The following MBLAC2 variants were observed in gnomAD, a reference collection of about 807,000 sequenced individuals.
The protein encoded by MBLAC2 is acyl-coenzyme A thioesterase MBLAC2.
MBLAC2 carries 24 observed loss-of-function variants against 23.3 expected under a neutral mutation model. The observed-to-expected ratio is 1.03, with a 90% CI of 0.75 to 1.45. The LOEUF (loss-of-function observed/expected upper bound fraction) is 1.45, where lower values mean the gene tolerates loss of function less well. MBLAC2 is among the 40% of genes most tolerant of loss of function. The probability of loss-of-function intolerance (pLI) is 0.00; values close to 1 mark genes in which losing one functional copy is unlikely to be tolerated. For missense variants in MBLAC2, 358 were observed against 370.0 expected (o/e 0.97, Z 0.27); for synonymous variants, 162 against 150.9 (o/e 1.07, Z -0.54).
At position 90,460,876 on chromosome 5, in the gene MBLAC2, T is replaced by C. The variant is rs929170144; in HGVS notation, c.*291A>G. ...AAAAACAGAGGCAAGGGCAGTTCTC[T>C]TGCCACAAAATCTCTCTTTGCTTCC... On this transcript the variant is annotated 3_prime_UTR_variant, in exon 2 of 2. Coordinates refer to ENST00000316610, the MANE Select transcript of MBLAC2 (RefSeq NM_203406.2). The C allele has an allele frequency of 6.9e-5, 17 of 248,168 alleles. No homozygotes were observed. Among genetic ancestry groups the C allele is most frequent in the African/African-American group, 3.4e-4 (15 of 44,420 alleles). The allele number at this position is 248,168 out of a possible 1,614,324, so 15.4% of individuals were successfully genotyped here. A position where few individuals can be genotyped will look rare whatever the true frequency, so the allele number is the denominator to read the frequency against.
chr5:90,469,994 A>G (rs1750518502), intron 1 of MBLAC2, among the ~76,000 whole-genome samples: 1 of 152,270 alleles, frequency 6.6e-6, no homozygotes, highest in African/African-American at 2.4e-5. Context: ...GTGTCCATCA[A>G]CAGATGAATG....
Position 90,474,251 on chromosome 5 carries a change from AT to A in MBLAC2, c.41del (p.Asp14ValfsTer30). 2 of 1,613,638 alleles carry A rather than the reference AT, an allele frequency of 1.2e-6. No individual in the cohort carries two copies. The highest frequency in any genetic ancestry group is 1.7e-6 in the Non-Finnish European group (2 of 1,179,850). On this transcript the variant is annotated frameshift_variant, in exon 1 of 2. Transcript: ENST00000316610. LOFTEE classifies it high-confidence loss of function. ...LEWYAHKSLGDGIFWIQERFY... is the reference protein window; with the variant it reads ...LEWYAHKSLGXGIFWIQERFY... ...AACGTTCTTGAATCCAGAAGATACCATCGCCTAGAGACTTGTGGGCGTACCA... is the reference window on the plus strand; with the variant it reads ...AACGTTCTTGAATCCAGAAGATACCACGCCTAGAGACTTGTGGGCGTACCA...
intron 1 of MBLAC2, among the ~76,000 whole-genome samples, chr5:90,470,766 A>ACT (rs1750533328): frequency 1.4e-5 from 2 of 146,002 alleles, no homozygotes; most frequent in South Asian, 4.6e-4. Context: ...GCACACACAC[A>ACT]CACACACACA....
intron 1 of MBLAC2, among the ~76,000 whole-genome samples, chr5:90,463,246 G>C (rs1750395759): frequency 1.3e-5 from 2 of 152,188 alleles, no homozygotes; most frequent in South Asian, 2.1e-4. Flanking sequence ...ATCACGCCTG[G>C]CTAATTTTTA....
rs368726847 is a variant in MBLAC2 at position 90,474,113 on chromosome 5, G to A, written c.180C>T (p.Ser60=). The A allele has an allele frequency of 7.9e-5, 125 of 1,579,986 alleles. No homozygotes were observed. The Middle Eastern group carries it at 9.9e-4, about 13-fold the overall frequency. Residue 60 remains serine, a synonymous_variant, in exon 1 of 2, where the codon TCC becomes TCT. Coordinates refer to ENST00000316610, the MANE Select transcript of MBLAC2 (RefSeq NM_203406.2). ...TGGCCTCTCGGTCCTGCAAGAGGCC[G>A]GAGGAGTACAGGTACTCCGGGAGGC... is the stretch of plus-strand genomic sequence containing the variant. ...LRSLPEYLYS[S]GLLQDREAKE...
chr5:90,470,923 G>A (rs1750536917), intron 1 of MBLAC2, among the ~76,000 whole-genome samples: 1 of 152,092 alleles, frequency 6.6e-6, no homozygotes, highest in African/African-American at 2.4e-5. Flanking sequence ...ATTCACTAGA[G>A]TTTTAAGAGC....
At chr5:90,467,296 G>A (rs1329560265) in intron 1 of MBLAC2, among the ~76,000 whole-genome samples, 1 of 152,150 alleles carries the variant, frequency 6.6e-6, no homozygotes, top group East Asian at 1.9e-4. Flanking sequence ...AAGTCCCCCA[G>A]TATTATTGTG....
chr5:90,473,321 A>C, intron 1 of MBLAC2: 1 of 243,740 alleles, frequency 4.1e-6, no homozygotes, highest in Admixed American at 5.8e-5. Flanking sequence ...GCGGATTGGA[A>C]TCACTGGTCT....
chr5:90,470,785 C>CACACAAA (rs3220210), intron 1 of MBLAC2, among the ~76,000 whole-genome samples: 4 of 148,184 alleles, frequency 2.7e-5, no homozygotes, highest in East Asian at 2.0e-4. Context: ...CACACACACA[C>CACACAAA]GCTTTCTTTC....
At chr5:90,461,780 A>G (rs1750373280) in intron 1 of MBLAC2, among the ~76,000 whole-genome samples, 1 of 152,238 alleles carries the variant, frequency 6.6e-6, no homozygotes, top group Non-Finnish European at 1.5e-5. Context: ...CTACTTCTAC[A>G]GGCTATCATG....
At chr5:90,470,373 G>C (rs1750524244) in intron 1 of MBLAC2, among the ~76,000 whole-genome samples, 1 of 152,126 alleles carries the variant, frequency 6.6e-6, no homozygotes, top group African/African-American at 2.4e-5. Context: ...AATGATAAAT[G>C]TTTGAGGTGA....
chr5:90,462,128 G>A (rs1442547027), intron 1 of MBLAC2, among the ~76,000 whole-genome samples: 1 of 152,136 alleles, frequency 6.6e-6, no homozygotes, highest in Non-Finnish European at 1.5e-5. Context: ...TAATATGTGA[G>A]TAATAATCTC....
chr5:90,473,954 G>C lies in MBLAC2; in HGVS notation c.339C>G (p.Asn113Lys). 1 of 1,601,846 alleles carries C rather than the reference G, an allele frequency of 6.2e-7. No homozygotes were observed. The highest frequency in any genetic ancestry group is 8.5e-7 in the Non-Finnish European group (1 of 1,175,204). The change falls in exon 1 of 2, where the codon AAC becomes AAG. Residue 113 changes from asparagine to lysine, a missense_variant. Coordinates refer to ENST00000316610, the MANE Select transcript of MBLAC2 (RefSeq NM_203406.2). Reference protein sequence around the residue: ...AEAEALARGDNFETVTWLSDS... With the variant: ...AEAEALARGDKFETVTWLSDS... Reference sequence around the variant, plus strand: ...CGGAAAGCCAGGTCACGGTCTCAAAGTTGTCCCCGCGAGCCAGCGCCTCGG... The same window carrying C: ...CGGAAAGCCAGGTCACGGTCTCAAACTTGTCCCCGCGAGCCAGCGCCTCGG...
At chr5:90,473,187 G>A (rs2151893192) in intron 1 of MBLAC2, 1 of 154,136 alleles carries the variant, frequency 6.5e-6, no homozygotes, top group African/African-American at 2.4e-5. Flanking sequence ...CTTTCAACCG[G>A]ACCAAATATC....
At chr5:90,467,494 C>A (rs916996980) in intron 1 of MBLAC2, among the ~76,000 whole-genome samples, 20 of 152,048 alleles carry the variant, frequency 1.3e-4, no homozygotes, top group African/African-American at 4.8e-4. Context: ...GTGATATAAG[C>A]CTGCTTACCT....
In MBLAC2 at chr5:90,474,566, C is replaced by T; in HGVS notation, c.-274G>A. ...CACGGGGGCGCAGGAGCTACCGCAGCCTCGGCAGCCGCACCACGAGAGAGC... is the reference window on the plus strand; with the variant it reads ...CACGGGGGCGCAGGAGCTACCGCAGTCTCGGCAGCCGCACCACGAGAGAGC... On this transcript the variant is annotated 5_prime_UTR_variant, in exon 1 of 2. Transcript: ENST00000316610. 1 of 482,168 alleles carries T rather than the reference C, an allele frequency of 2.1e-6. No homozygotes were observed. The highest frequency in any genetic ancestry group is 3.7e-6 in the Non-Finnish European group (1 of 269,298). The allele number at this position is 482,168 out of a possible 1,614,324, so 29.9% of individuals were successfully genotyped here. A position where few individuals can be genotyped will look rare whatever the true frequency, so the allele number is the denominator to read the frequency against.
rs1750303020 is a variant in MBLAC2 at position 90,458,494 on chromosome 5, A to G, written c.*2673T>C. Reference sequence around the variant, plus strand: ...TTTGACAACTTTGAATTATACTTACATACTAATATTTCCAAAAATCATTTA... The same window carrying G: ...TTTGACAACTTTGAATTATACTTACGTACTAATATTTCCAAAAATCATTTA... On this transcript the variant is annotated 3_prime_UTR_variant, in exon 2 of 2. Transcript: ENST00000316610. 1 of 152,226 alleles carries G rather than the reference A, an allele frequency of 6.6e-6. No homozygotes were observed. The highest frequency in any genetic ancestry group is 2.4e-5 in the African/African-American group (1 of 41,466). The allele number at this position is 152,226 out of a possible 1,614,324, so 9.4% of individuals were successfully genotyped here.
intron 1 of MBLAC2, among the ~76,000 whole-genome samples, chr5:90,466,176 C>T (rs1270308347): frequency 2.0e-5 from 3 of 152,066 alleles, no homozygotes; most frequent in Non-Finnish European, 4.4e-5. Flanking sequence ...TAGACATAAT[C>T]GATATAACAG....
At chr5:90,469,470 G>GTT (rs35876203) in intron 1 of MBLAC2, among the ~76,000 whole-genome samples, 299 of 144,808 alleles carry the variant, frequency 2.1e-3, no homozygotes, top group African/African-American at 5.6e-3. Flanking sequence ...AATTCTAAGA[G>GTT]TTTTTTTTTT....
Sources: allele counts gnomAD v4.1 joint callset (sites outside exome capture counted in the v4.1 genomes callset), GRCh38; gene constraint gnomAD v4.1.1; transcripts MANE v1.5; gene names NCBI Gene and HGNC (gene_info 2026-07-23, HGNC 2026-07-21).